YES1: variants seen among roughly 807,000 people sequenced by gnomAD.
YES1 encodes the protein YES proto-oncogene 1, Src family tyrosine kinase.
In YES1, 39 loss-of-function variants were observed where a neutral mutation model predicts 70.4. The ratio of observed to expected loss-of-function variants is 0.55; its 90% CI spans 0.43 to 0.72. The LOEUF (loss-of-function observed/expected upper bound fraction) is 0.72. YES1 is among the 30% of genes least tolerant of loss of function. The probability of loss-of-function intolerance (pLI) is 0.00; values close to 1 mark genes in which losing one functional copy is unlikely to be tolerated. For synonymous variants in YES1, 198 were observed against 218.6 expected, an observed-to-expected ratio of 0.91 and a Z score of 0.83; for missense variants, 495 against 644.8, an observed-to-expected ratio of 0.77 and a Z score of 2.52.
At chr18:797,284 T>C (rs564121652) in intron 1 of YES1, among the ~76,000 whole-genome samples, 53 of 152,200 alleles carry the variant, frequency 3.5e-4, no homozygotes, top group African/African-American at 1.2e-3. Flanking sequence ...TAAGATATCT[T>C]TATTCATATA....
chr18:731,989 T>C (rs2080095801), intron 11 of YES1, among the ~76,000 whole-genome samples: 1 of 118,508 alleles, frequency 8.4e-6, no homozygotes, highest in Admixed American at 8.2e-5. Context: ...AAAAAAAAAG[T>C]CTCTTAATTT....
intron 11 of YES1, among the ~76,000 whole-genome samples, chr18:728,115 C>T (rs12326411): frequency 0.011 from 1,648 of 152,132 alleles, 35 homozygotes; most frequent in African/African-American, 0.037. Flanking sequence ...GCAGGCAAAT[C>T]GCTTGAGCCT....
In YES1 at chr18:801,503, T is replaced by C. The variant is rs530918962; in HGVS notation, c.-9+10611A>G. 2.6e-5 allele frequency among the ~76,000 whole-genome samples: 4 copies of C among 152,276 alleles called. No homozygotes were observed. In the South Asian group the frequency reaches 6.2e-4, roughly 24 times the overall value. On this transcript the variant is annotated intron_variant, in intron 1 of 11. Coordinates refer to ENST00000314574, the MANE Select transcript of YES1 (RefSeq NM_005433.4). The stretch of plus-strand genomic sequence containing the variant: ...TCTACTGACAGGGCAAATTAGAAAA[T>C]GGCTATCTTTCTGCAACACGTCTGA...
intron 1 of YES1, among the ~76,000 whole-genome samples, chr18:778,465 AAATGATTTAAC>A (rs372117189): frequency 6.6e-6 from 1 of 152,340 alleles, no homozygotes; most frequent in African/African-American, 2.4e-5. Context: ...AAAAATTTTC[AAATGATTTAAC>A]ACATTTCTGA....
At chr18:760,773 A>G (rs1024661561) in intron 1 of YES1, among the ~76,000 whole-genome samples, 1 of 152,254 alleles carries the variant, frequency 6.6e-6, no homozygotes, top group African/African-American at 2.4e-5. Context: ...AAAGTCTTTT[A>G]AAGTATAAAG....
intron 1 of YES1, among the ~76,000 whole-genome samples, chr18:783,739 C>T (rs1289456410): frequency 6.6e-6 from 1 of 151,970 alleles, no homozygotes; most frequent in African/African-American, 2.4e-5. Flanking sequence ...CTTCAGCCAC[C>T]CAAGTAGCTG....
At chr18:810,578 T>C (rs1349144043) in intron 1 of YES1, among the ~76,000 whole-genome samples, 2 of 152,254 alleles carry the variant, frequency 1.3e-5, no homozygotes, top group Non-Finnish European at 2.9e-5. Flanking sequence ...AGAGCCCTTT[T>C]ATCTTTTATC....
At chr18:765,399 C>CTTT (rs1160937016) in intron 1 of YES1, among the ~76,000 whole-genome samples, 7 of 123,480 alleles carry the variant, frequency 5.7e-5, no homozygotes, top group Non-Finnish European at 1.2e-4. Context: ...TAATTTAACA[C>CTTT]TTTTTTTTTT....
At chr18:760,451 A>G (rs1281003329) in intron 1 of YES1, among the ~76,000 whole-genome samples, 1 of 152,058 alleles carries the variant, frequency 6.6e-6, no homozygotes, top group Non-Finnish European at 1.5e-5. Context: ...GCCTGGGTGA[A>G]AGAGTGAGAT....
intron 1 of YES1, among the ~76,000 whole-genome samples, chr18:799,008 AAAATT>A (rs1906682379): frequency 6.6e-6 from 1 of 152,214 alleles, no homozygotes; most frequent in African/African-American, 2.4e-5. Flanking sequence ...CCTCAAATAT[AAAATT>A]AAATTAGTCA....
chr18:740,865 T>C (rs544402099), intron 8 of YES1, among the ~76,000 whole-genome samples: 19 of 152,308 alleles, frequency 1.2e-4, no homozygotes, highest in Non-Finnish European at 2.4e-4. Flanking sequence ...ACCTTCATTA[T>C]ATTTCTTATG....
chr18:766,704 C>T (rs1904926910), intron 1 of YES1, among the ~76,000 whole-genome samples: 2 of 152,040 alleles, frequency 1.3e-5, no homozygotes, highest in South Asian at 4.2e-4. Context: ...TGCTTATTTG[C>T]TTCCCATCTC....
At chr18:804,717 A>G (rs1021332207) in intron 1 of YES1, among the ~76,000 whole-genome samples, 2 of 151,220 alleles carry the variant, frequency 1.3e-5, no homozygotes, top group African/African-American at 4.9e-5. Flanking sequence ...GTTGGAGACC[A>G]GCCTGACCAA....
chr18:771,766 G>A (rs1905167667), intron 1 of YES1, among the ~76,000 whole-genome samples: 1 of 151,536 alleles, frequency 6.6e-6, no homozygotes, highest in South Asian at 2.1e-4. Context: ...CCCAGGCTGG[G>A]CACAGGGATC....
Position 756,082 on chromosome 18 carries a change from C to T in YES1, c.271+475G>A, listed in dbSNP as rs543112763. On this transcript the variant is annotated intron_variant, in intron 2 of 11. Coordinates refer to ENST00000314574, the MANE Select transcript of YES1 (RefSeq NM_005433.4). ...GGGGGAAAATTTTAAACTGTCTGAG[C>T]TTTAGGATTTTTCTTTTTTAAATCA... is the stretch of plus-strand genomic sequence containing the variant. Among the ~76,000 whole-genome samples the T allele has an allele frequency of 4.4e-4, 67 of 152,190 alleles. 2 individuals are homozygous for T. In the South Asian group the frequency reaches 0.013, roughly 30 times the overall value.
intron 11 of YES1, among the ~76,000 whole-genome samples, chr18:727,635 C>T (rs1270151875): frequency 6.6e-6 from 1 of 152,108 alleles, no homozygotes; most frequent in African/African-American, 2.4e-5. Context: ...CTACAATATG[C>T]TTCCTTGGTT....
intron 1 of YES1, among the ~76,000 whole-genome samples, chr18:768,099 TAAC>T (rs1904993042): frequency 2.0e-5 from 3 of 152,220 alleles, no homozygotes; most frequent in Admixed American, 6.5e-5. Context: ...ATGGTGTCTG[TAAC>T]AACTACTCAA....
At position 722,538 on chromosome 18, in the gene YES1, A is replaced by G. The variant is rs1258006325; in HGVS notation, c.*1886T>C. 3.9e-5 allele frequency: 6 copies of G among 152,572 alleles called. No homozygotes were observed. Among genetic ancestry groups the G allele is most frequent in the African/African-American group, 1.4e-4 (6 of 41,448 alleles). 9.5% of individuals were successfully genotyped at this position (152,572 alleles called of 1,614,324 possible). A position where few individuals can be genotyped will look rare whatever the true frequency, so the allele number is the denominator to read the frequency against. On this transcript the variant is annotated 3_prime_UTR_variant, in exon 12 of 12. Coordinates refer to ENST00000314574, the MANE Select transcript of YES1 (RefSeq NM_005433.4). ...ACTATATGAGAGTATTTTAAAACAT[A>G]TACACCAGACCTTCATTTTATTCAT...
In YES1 at chr18:732,878, AT is replaced by A. The variant is rs1477406834; in HGVS notation, c.1378del (p.Ile460PhefsTer6). ...CTTTGTTACTAGTTCTGTTTGCAGAATTCCAAATGACCAGACATCAGACTTT... is the reference window on the plus strand; with the variant it reads ...CTTTGTTACTAGTTCTGTTTGCAGAATCCAAATGACCAGACATCAGACTTT... ...TIKSDVWSFG[I>X]LQTELVTKGR... On this transcript the variant is annotated frameshift_variant, in exon 11 of 12. Transcript: ENST00000314574. LOFTEE classifies it high-confidence loss of function. 6.2e-7 allele frequency: 1 copy of A among 1,614,144 alleles called. No individual in the cohort carries two copies. The highest frequency in any genetic ancestry group is 1.3e-5 in the African/African-American group (1 of 74,956).
Sources: allele counts gnomAD v4.1 joint callset (sites outside exome capture counted in the v4.1 genomes callset), GRCh38; gene constraint gnomAD v4.1.1; transcripts MANE v1.5; gene names NCBI Gene and HGNC (gene_info 2026-07-23, HGNC 2026-07-21).